Variants in AFAP1 observed in about 807,000 individuals in gnomAD.
The protein encoded by AFAP1 is actin filament associated protein 1.
In AFAP1, 75 loss-of-function variants were observed where a neutral mutation model predicts 93.9. The observed-to-expected ratio is 0.80, with a 90% confidence interval of 0.66 to 0.97. AFAP1 has a LOEUF of 0.97. Among genes scored for constraint, AFAP1 ranks in the 50% least tolerant of loss-of-function variants. The pLI is 0.00. For synonymous variants in AFAP1, 517 were observed against 430.7 expected (o/e 1.20, Z -2.48); for missense variants, 1,201 against 1,050.8 (o/e 1.14, Z -1.98).
At chr4:7,799,039 T>C (rs1198615481) in intron 10 of AFAP1, 3 of 985,970 alleles carry the variant, frequency 3.0e-6, no homozygotes, top group Admixed American at 6.2e-5. Context: ...CCATCCACCC[T>C]CCAGTTTTCA....
At chr4:7,867,650 A>T (rs1716574889) in intron 3 of AFAP1, among the ~76,000 whole-genome samples, 1 of 152,202 alleles carries the variant, frequency 6.6e-6, no homozygotes. Context: ...ACTGAGCCTC[A>T]GCTTCCTTCT....
chr4:7,907,619 C>T (rs1281143391), intron 1 of AFAP1, among the ~76,000 whole-genome samples: 2 of 152,122 alleles, frequency 1.3e-5, no homozygotes, highest in East Asian at 4.0e-4. Flanking sequence ...ACTCCGAAAT[C>T]TATAACTTTT....
At chr4:7,843,593 T>C in intron 4 of AFAP1, 4 of 451,684 alleles carry the variant, frequency 8.9e-6, no homozygotes, top group Non-Finnish European at 1.6e-5. Flanking sequence ...AAACTGTTTC[T>C]AGACTGTTTC....
chr4:7,771,557 G>A (rs1560146678), intron 16 of AFAP1, among the ~76,000 whole-genome samples: 1 of 152,198 alleles, frequency 6.6e-6, no homozygotes, highest in Non-Finnish European at 1.5e-5. Flanking sequence ...TGTGAATGAT[G>A]TGAATGAACA....
intron 1 of AFAP1, among the ~76,000 whole-genome samples, chr4:7,938,341 G>A (rs1721515536): frequency 6.6e-6 from 1 of 152,178 alleles, no homozygotes; most frequent in Non-Finnish European, 1.5e-5. Flanking sequence ...GACTCCTTGA[G>A]CCTTCTGCTG....
chr4:7,903,363 C>T (rs963238463), intron 1 of AFAP1, among the ~76,000 whole-genome samples: 2 of 152,230 alleles, frequency 1.3e-5, no homozygotes, highest in African/African-American at 4.8e-5. Flanking sequence ...CCACCCTACA[C>T]TGGGGTGACG....
chr4:7,845,657 C>T (rs796188438), intron 4 of AFAP1, among the ~76,000 whole-genome samples: 26 of 152,164 alleles, frequency 1.7e-4, no homozygotes, highest in African/African-American at 5.8e-4. Context: ...TTCACATCAC[C>T]CTCCGCCCAC....
At chr4:7,846,847 A>C (rs750028332) in intron 4 of AFAP1, among the ~76,000 whole-genome samples, 17 of 152,228 alleles carry the variant, frequency 1.1e-4, no homozygotes, top group Non-Finnish European at 2.4e-4. Flanking sequence ...AAAAGGAAGA[A>C]TGAGTCTCGA....
At chr4:7,789,954 C>T (rs190254850) in intron 11 of AFAP1, among the ~76,000 whole-genome samples, 30 of 152,258 alleles carry the variant, frequency 2.0e-4, no homozygotes, top group Non-Finnish European at 3.1e-4. Flanking sequence ...GATTGTTTAC[C>T]ATTATTAAAG....
At chr4:7,850,727 C>G (rs188588464) in intron 4 of AFAP1, among the ~76,000 whole-genome samples, 2 of 152,362 alleles carry the variant, frequency 1.3e-5, no homozygotes, top group African/African-American at 4.8e-5. Flanking sequence ...GCTCAGGTCC[C>G]CCAGCTGCTT....
chr4:7,782,810 T>TC (rs2148987650), intron 12 of AFAP1, among the ~76,000 whole-genome samples: 1 of 152,350 alleles, frequency 6.6e-6, no homozygotes, highest in East Asian at 1.9e-4. Context: ...TCTGTATTCC[T>TC]CCGCAATCAC....
intron 11 of AFAP1, chr4:7,788,522 A>G (rs1191365659): frequency 1.3e-5 from 2 of 152,274 alleles, no homozygotes; most frequent in Non-Finnish European, 2.9e-5. Context: ...CTTTGCTTAT[A>G]AAAAATTAAT....
chr4:7,873,242 C>CAAAAAAAAAAAAAAAAAAAA (rs1195209480), intron 1 of AFAP1, among the ~76,000 whole-genome samples: 1 of 64,126 alleles, frequency 1.6e-5, no homozygotes. Context: ...GACTCTGTCT[C>CAAAAAAAAAAAAAAAAAAAA]AAAAAAAAAA....
At chr4:7,855,818 C>T (rs753960221) in intron 3 of AFAP1, among the ~76,000 whole-genome samples, 3 of 152,228 alleles carry the variant, frequency 2.0e-5, no homozygotes, top group Admixed American at 2.0e-4. Flanking sequence ...TCTCCAGGTT[C>T]GGTGTGTGCA....
At chr4:7,909,122 C>T (rs1416546428) in intron 1 of AFAP1, among the ~76,000 whole-genome samples, 6 of 152,172 alleles carry the variant, frequency 3.9e-5, no homozygotes, top group Admixed American at 1.3e-4. Context: ...TTAATATTTA[C>T]ATTTAAATAT....
At chr4:7,838,473 CAG>C (rs750834200) in intron 6 of AFAP1, 49 bp downstream of exon 6, 30 of 1,542,216 alleles carry the variant, frequency 1.9e-5, no homozygotes, top group Middle Eastern at 2.2e-4. Context: ...AAATGGATCT[CAG>C]AAAGGCATGT....
intron 8 of AFAP1, among the ~76,000 whole-genome samples, chr4:7,811,242 T>C (rs1399895569): frequency 1.3e-5 from 2 of 150,332 alleles, no homozygotes; most frequent in African/African-American, 4.9e-5. Flanking sequence ...CCAGCATGAA[T>C]CCCTCAACCC....
At chr4:7,865,356 C>A (rs976350253) in intron 3 of AFAP1, among the ~76,000 whole-genome samples, 2 of 152,210 alleles carry the variant, frequency 1.3e-5, no homozygotes, top group African/African-American at 4.8e-5. Context: ...TATGGTAGCT[C>A]ACGCCTGTAA....
intron 3 of AFAP1, among the ~76,000 whole-genome samples, chr4:7,866,922 C>A (rs879447207): frequency 6.6e-6 from 1 of 151,222 alleles, no homozygotes; most frequent in Non-Finnish European, 1.5e-5. Flanking sequence ...ACCTGCAATC[C>A]CAGCTACTTG....
Sources: allele counts gnomAD v4.1 joint callset (sites outside exome capture counted in the v4.1 genomes callset), GRCh38; gene constraint gnomAD v4.1.1; transcripts MANE v1.5; gene names NCBI Gene and HGNC (gene_info 2026-07-23, HGNC 2026-07-21).